The following MKLN1 variants were observed in gnomAD, a reference collection of about 807,000 sequenced individuals.
The protein encoded by MKLN1 is muskelin 1, also known as muskelin.
A neutral mutation model predicts 99.0 loss-of-function variants in MKLN1; 18 were observed. The observed-to-expected ratio is 0.18, with a 90% confidence interval of 0.13 to 0.27. MKLN1 has a LOEUF of 0.27. Ranked by LOEUF, MKLN1 falls within the 10% of genes least tolerant of loss-of-function variation. The probability of loss-of-function intolerance (pLI) is 1.00; values close to 1 mark genes in which losing one functional copy is unlikely to be tolerated. For synonymous variants in MKLN1, 288 were observed against 293.2 expected (o/e 0.98, Z 0.18); for missense variants, 621 against 875.9 (o/e 0.71, Z 3.67).
intron 3 of MKLN1, among the ~76,000 whole-genome samples, chr7:131,228,314 T>C (rs934220239): frequency 6.6e-6 from 1 of 152,084 alleles, no homozygotes; most frequent in South Asian, 2.1e-4. Context: ...CATTCTGATG[T>C]TCTTATCTTA....
chr7:131,397,262 T>A lies in MKLN1; in HGVS notation c.401-5T>A. The A allele has an allele frequency of 6.3e-7, 1 of 1,578,710 alleles. No homozygotes were observed. Among genetic ancestry groups the A allele is most frequent in the Non-Finnish European group, 8.6e-7 (1 of 1,157,898 alleles). ...TCTTCTTCTTTTTGTTTTTTCTCCT[T>A]AAAGTTCCACTCTTGTCCTGGGGAC... is the stretch of plus-strand genomic sequence containing the variant. On this transcript the variant is annotated splice_region_variant and splice_polypyrimidine_tract_variant and intron_variant, in intron 4 of 17. Coordinates refer to ENST00000352689, the MANE Select transcript of MKLN1 (RefSeq NM_013255.5).
intron 10 of MKLN1, among the ~76,000 whole-genome samples, chr7:131,442,022 A>AT (rs981830431): frequency 6.6e-6 from 1 of 152,172 alleles, no homozygotes; most frequent in African/African-American, 2.4e-5. Context: ...CAGTGTGCTG[A>AT]TTTTAACTGT....
At position 131,443,612 on chromosome 7, in the gene MKLN1, T is replaced by C. The variant is rs751609016; in HGVS notation, c.1305T>C (p.Cys435=). ...GCTTGTTTGCTTTCAACTGTCAATG[T>C]CAAACCTGGAAACTTCTTCGAGAGG... ...FSGLFAFNCQ[C]QTWKLLREDS... The change falls in exon 11 of 18, where the codon TGT becomes TGC. Residue 435 remains cysteine (C), a synonymous_variant. Transcript: ENST00000352689. 1.9e-6 allele frequency: 3 copies of C among 1,614,176 alleles called. No individual in the cohort carries two copies. The highest frequency in any genetic ancestry group is 2.5e-6 in the Non-Finnish European group (3 of 1,179,996).
intron 3 of MKLN1, among the ~76,000 whole-genome samples, chr7:131,223,587 G>A (rs913636048): frequency 2.6e-5 from 4 of 152,028 alleles, no homozygotes; most frequent in African/African-American, 7.2e-5. Context: ...TCAGCTTGCC[G>A]CTCTTAATTC....
At position 131,225,400 on chromosome 7, in the gene MKLN1, TG is replaced by T. The variant is rs1346355524; in HGVS notation, c.-179+22431del. Among the ~76,000 whole-genome samples, 8 of 152,264 alleles carry T rather than the reference TG, an allele frequency of 5.3e-5. No individual in the cohort carries two copies. In the South Asian group the frequency reaches 1.2e-3, roughly 24 times the overall value. ...GGATCCACTCCTAAAACCATGACTTTGGGGGTTAGATTTTCAATACATGAAA... is the reference window on the plus strand; with the variant it reads ...GGATCCACTCCTAAAACCATGACTTTGGGGTTAGATTTTCAATACATGAAA... On this transcript the variant is annotated intron_variant, in intron 3 of 7. Transcript: ENST00000416992.
At chr7:131,290,229 C>T (rs770856354) in intron 3 of MKLN1, among the ~76,000 whole-genome samples, 18 of 152,128 alleles carry the variant, frequency 1.2e-4, no homozygotes, top group Admixed American at 2.6e-4. Context: ...CTCTTGAATC[C>T]GGGAGGTAGA....
intron 3 of MKLN1, among the ~76,000 whole-genome samples, chr7:131,257,801 G>T (rs925304778): frequency 6.6e-6 from 1 of 152,110 alleles, no homozygotes; most frequent in South Asian, 2.1e-4. Context: ...AAAAGTCTTG[G>T]ATGCTTAGGT....
intron 1 of MKLN1, among the ~76,000 whole-genome samples, chr7:131,330,830 T>G (rs1035539598): frequency 6.6e-6 from 1 of 152,178 alleles, no homozygotes; most frequent in Non-Finnish European, 1.5e-5. Context: ...TCTTTTTAAT[T>G]TATTTGGACT....
chr7:131,172,454 T>C (rs1232441380), intron 2 of MKLN1, among the ~76,000 whole-genome samples: 5 of 152,102 alleles, frequency 3.3e-5, no homozygotes, highest in Admixed American at 6.6e-5. Context: ...TAGCTGGGAC[T>C]ACAGGCACCC....
intron 3 of MKLN1, among the ~76,000 whole-genome samples, chr7:131,302,393 G>T (rs1798388704): frequency 6.6e-6 from 1 of 152,206 alleles, no homozygotes; most frequent in Admixed American, 6.5e-5. Context: ...GATCTGACTT[G>T]TGGTGATGGG....
At chr7:131,477,699 C>T (rs1351773930) in intron 16 of MKLN1, among the ~76,000 whole-genome samples, 2 of 152,120 alleles carry the variant, frequency 1.3e-5, no homozygotes, top group Non-Finnish European at 2.9e-5. Flanking sequence ...CTTCAAAGGA[C>T]CATTAATCAG....
At chr7:131,273,736 C>A (rs1186928630) in intron 3 of MKLN1, among the ~76,000 whole-genome samples, 12 of 151,770 alleles carry the variant, frequency 7.9e-5, no homozygotes, top group African/African-American at 2.9e-4. Flanking sequence ...GTGATCCCCC[C>A]ACCTCAGGCT....
intron 2 of MKLN1, among the ~76,000 whole-genome samples, chr7:131,181,706 C>T (rs1442963011): frequency 6.7e-6 from 1 of 150,308 alleles, no homozygotes; most frequent in African/African-American, 2.5e-5. Context: ...GTCACCCAGG[C>T]TGGAGTCCAG....
At chr7:131,318,920 C>A (rs1339753181) in intron 3 of MKLN1, among the ~76,000 whole-genome samples, 1 of 152,062 alleles carries the variant, frequency 6.6e-6, no homozygotes, top group Non-Finnish European at 1.5e-5. Flanking sequence ...CTGAATAGAC[C>A]AATAACAGGC....
At chr7:131,155,846 G>A (rs117641701) in intron 2 of MKLN1, among the ~76,000 whole-genome samples, 2,584 of 152,240 alleles carry the variant, frequency 0.017, 25 homozygotes, top group Non-Finnish European at 0.025. Flanking sequence ...TTTCCACGTC[G>A]CTTCTCAGAG....
intron 10 of MKLN1, among the ~76,000 whole-genome samples, chr7:131,439,965 C>T (rs1342212827): frequency 1.3e-5 from 2 of 151,864 alleles, no homozygotes; most frequent in African/African-American, 4.8e-5. Context: ...ACCTATAACT[C>T]CCAATGCCTT....
intron 8 of MKLN1, among the ~76,000 whole-genome samples, chr7:131,421,682 G>A (rs1224738969): frequency 6.6e-6 from 1 of 152,152 alleles, no homozygotes; most frequent in Non-Finnish European, 1.5e-5. Context: ...TATGCTGAGA[G>A]AATTTTATAT....
chr7:131,424,792 C>T (rs1484691168), intron 8 of MKLN1, among the ~76,000 whole-genome samples: 2 of 152,070 alleles, frequency 1.3e-5, no homozygotes, highest in African/African-American at 2.4e-5. Context: ...GCCACTTTAC[C>T]TCCAATCCCT....
intron 2 of MKLN1, among the ~76,000 whole-genome samples, chr7:131,193,514 G>T (rs369451998): frequency 6.6e-6 from 1 of 151,890 alleles, no homozygotes; most frequent in African/African-American, 2.4e-5. Flanking sequence ...CTACAGGTGC[G>T]CACCACCATG....
Sources: gnomAD v4.1 joint callset for allele counts (sites outside exome capture counted in the v4.1 genomes callset) on GRCh38, gnomAD v4.1.1 for gene constraint, MANE v1.5 for transcripts, NCBI Gene and HGNC (gene_info 2026-07-23, HGNC 2026-07-21) for gene names.